The following WDR7 variants were observed in gnomAD, a reference collection of about 807,000 sequenced individuals.
WDR7 encodes WD repeat domain 7.
Under a neutral mutation model 169.4 loss-of-function variants are expected in WDR7, and 46 were observed. The observed-to-expected ratio is 0.27, with a 90% confidence interval of 0.21 to 0.35. WDR7 has a LOEUF of 0.35. Among genes scored for constraint, WDR7 ranks in the 10% least tolerant of loss-of-function variants. The probability of loss-of-function intolerance (pLI) is 1.00; values close to 1 mark genes in which losing one functional copy is unlikely to be tolerated. For synonymous variants in WDR7, 612 were observed against 666.8 expected (o/e 0.92, Z 1.27); for missense variants, 1,534 against 1,859.3 (o/e 0.83, Z 3.22).
intron 26 of WDR7, among the ~76,000 whole-genome samples, chr18:56,972,600 G>A (rs980833647): frequency 1.3e-5 from 2 of 152,138 alleles, no homozygotes; most frequent in Non-Finnish European, 2.9e-5. Flanking sequence ...TGAATGGTTG[G>A]AGAAGACAAT....
intron 27 of WDR7, among the ~76,000 whole-genome samples, chr18:57,026,051 T>C (rs2048363091): frequency 1.3e-5 from 2 of 152,224 alleles, no homozygotes; most frequent in African/African-American, 4.8e-5. Flanking sequence ...CAGTATTCTT[T>C]CCATGTGATA....
chr18:56,978,820 G>A (rs563214087), intron 26 of WDR7, among the ~76,000 whole-genome samples: 4 of 152,224 alleles, frequency 2.6e-5, no homozygotes, highest in South Asian at 2.1e-4. Context: ...AGGTATCTAC[G>A]TTTCTATAGC....
At chr18:56,843,427 G>A (rs2045517404) in intron 20 of WDR7, among the ~76,000 whole-genome samples, 1 of 152,094 alleles carries the variant, frequency 6.6e-6, no homozygotes, top group Non-Finnish European at 1.5e-5. Flanking sequence ...CTGTCTCTAT[G>A]AATTTGGCTA....
At chr18:56,925,183 T>C (rs1019418929) in intron 22 of WDR7, among the ~76,000 whole-genome samples, 1 of 152,244 alleles carries the variant, frequency 6.6e-6, no homozygotes, top group Non-Finnish European at 1.5e-5. Flanking sequence ...TACCTGTTGA[T>C]GGACATTTGG....
At chr18:57,020,701 C>T in intron 26 of WDR7, 44 bp from the exon 27 acceptor site, 1 of 1,572,384 alleles carries the variant, frequency 6.4e-7, no homozygotes, top group South Asian at 1.1e-5. Context: ...TTGTAATTGT[C>T]CTGTGAAATG....
At chr18:57,036,088 A>G in the WDR7 span, 2 of 152,286 alleles carry the variant, frequency 1.3e-5, no homozygotes, top group African/African-American at 4.8e-5. Context: ...AAGGGAAGCA[A>G]TAGATATCAG....
At chr18:56,860,416 CTA>C (rs1362499791) in intron 20 of WDR7, among the ~76,000 whole-genome samples, 2 of 152,104 alleles carry the variant, frequency 1.3e-5, no homozygotes, top group Non-Finnish European at 2.9e-5. Flanking sequence ...TAAATTTGAT[CTA>C]TGTTTACATC....
At chr18:56,990,832 T>G (rs575754639) in intron 26 of WDR7, among the ~76,000 whole-genome samples, 1 of 152,290 alleles carries the variant, frequency 6.6e-6, no homozygotes, top group East Asian at 1.9e-4. Flanking sequence ...CAGCTGACTT[T>G]TTGTTGTTGT....
chr18:56,716,989 C>G (rs1450883287), intron 12 of WDR7, among the ~76,000 whole-genome samples: 1 of 152,088 alleles, frequency 6.6e-6, no homozygotes, highest in East Asian at 1.9e-4. Flanking sequence ...TTAGGAGAAC[C>G]CCCAGCAGGG....
At chr18:56,662,684 G>A (rs1163180201) in intron 1 of WDR7, among the ~76,000 whole-genome samples, 1 of 152,116 alleles carries the variant, frequency 6.6e-6, no homozygotes, top group Non-Finnish European at 1.5e-5. Flanking sequence ...GGTGATGGAG[G>A]AACAGGTGTA....
chr18:57,032,583 C>T, downstream of WDR7: 1 of 152,106 alleles, frequency 6.6e-6, no homozygotes, highest in Non-Finnish European at 1.5e-5. Flanking sequence ...TGAGCTCAGC[C>T]TCCTGTCATA....
In WDR7 at chr18:56,938,547, G is replaced by A. The variant is rs200250195; in HGVS notation, c.3846G>A (p.Thr1282=). The change falls in exon 24 of 28, where the codon ACG becomes ACA. Residue 1282 remains threonine, a synonymous_variant. Coordinates refer to ENST00000254442, the MANE Select transcript of WDR7 (RefSeq NM_015285.3). ...ATGTTTTGTAGGTACACAGACATAC[G>A]GCTCTTGCAGCAAATACCCAATCAC... ...TTIAKEVHRH[T]ALAANTQSQQ... The A allele has an allele frequency of 2.2e-5, 36 of 1,613,660 alleles. No individual in the cohort carries two copies. The Admixed American group carries it at 4.5e-4, about 20-fold the overall frequency.
chr18:56,730,966 A>G (rs745832495), intron 13 of WDR7, among the ~76,000 whole-genome samples: 37 of 152,260 alleles, frequency 2.4e-4, no homozygotes, highest in Non-Finnish European at 4.9e-4. Context: ...GCAATTATTC[A>G]ATGAGGAAAA....
In WDR7 at chr18:56,888,391, A is replaced by C. The variant is rs142600464; in HGVS notation, c.3526+8226A>C. On this transcript the variant is annotated intron_variant, in intron 21 of 27. Transcript: ENST00000254442. ...AGCTATGTATCCCTCTGGGTTGCAG[A>C]ATTCTCTTGCATAAAATAAAAGGCA... is the stretch of plus-strand genomic sequence containing the variant. Among the ~76,000 whole-genome samples the C allele has an allele frequency of 2.3e-3, 345 of 152,334 alleles. 2 individuals carry two copies. The highest frequency in any genetic ancestry group is 7.8e-3 in the African/African-American group (323 of 41,566).
At chr18:56,714,774 T>C (rs2026156834) in intron 12 of WDR7, among the ~76,000 whole-genome samples, 1 of 152,118 alleles carries the variant, frequency 6.6e-6, no homozygotes, top group Admixed American at 6.5e-5. Flanking sequence ...TATTACACTA[T>C]GTGAAAGGGG....
chr18:56,977,868 A>C (rs569331768), intron 26 of WDR7, among the ~76,000 whole-genome samples: 140 of 152,332 alleles, frequency 9.2e-4, no homozygotes, highest in African/African-American at 3.2e-3. Context: ...TCTCTGGGTG[A>C]AAGTCCCAGC....
At chr18:57,010,513 G>A (rs913275991) in intron 26 of WDR7, among the ~76,000 whole-genome samples, 2 of 151,580 alleles carry the variant, frequency 1.3e-5, no homozygotes, top group Non-Finnish European at 2.9e-5. Context: ...TCTAAAAGTT[G>A]TACAGTACAA....
rs541707245 is a variant in WDR7, at chr18:56,727,387, A to T, written c.1775-3996A>T. On this transcript the variant is annotated intron_variant, in intron 13 of 27. Transcript: ENST00000254442. ...TGAACCTCTGTATTAGTCCATTCTC[A>T]TGCTACTGTGAATAAATACCTGAGA... Among the ~76,000 whole-genome samples, 406 of 152,046 alleles carry T rather than the reference A, an allele frequency of 2.7e-3. 2 individuals are homozygous for T. The highest frequency in any genetic ancestry group is 5.5e-3 in the Admixed American group (84 of 15,264).
intron 26 of WDR7, among the ~76,000 whole-genome samples, chr18:57,009,168 A>T (rs555515085): frequency 1.3e-5 from 2 of 152,352 alleles, no homozygotes; most frequent in South Asian, 4.1e-4. Flanking sequence ...ATTTTAATAG[A>T]AAAATGTTGG....
Sources: gnomAD v4.1 joint callset for allele counts (sites outside exome capture counted in the v4.1 genomes callset) on GRCh38, gnomAD v4.1.1 for gene constraint, MANE v1.5 for transcripts, NCBI Gene and HGNC (gene_info 2026-07-23, HGNC 2026-07-21) for gene names.